KAZN: variants seen among roughly 807,000 people sequenced by gnomAD.
KAZN encodes kazrin.
A neutral mutation model predicts 87.4 loss-of-function variants in KAZN; 40 were observed. That is an observed-to-expected ratio of 0.46 (90% CI 0.36 to 0.60). The LOEUF (loss-of-function observed/expected upper bound fraction) is 0.60. Among genes scored for constraint, KAZN ranks in the 20% least tolerant of loss-of-function variants. KAZN has a pLI of 0.00. For missense variants in KAZN, 898 were observed against 1,073.9 expected (o/e 0.84, Z 2.29); for synonymous variants, 466 against 458.3 (o/e 1.02, Z -0.22).
intron 2 of KAZN, among the ~76,000 whole-genome samples, chr1:14,545,422 C>T (rs1673079091): frequency 6.6e-6 from 1 of 152,196 alleles, no homozygotes; most frequent in Non-Finnish European, 1.5e-5. Flanking sequence ...CCTAGCTCCA[C>T]CACATGCCCG....
At chr1:14,958,380 A>G (rs1043489584) in intron 1 of KAZN, among the ~76,000 whole-genome samples, 1 of 102,550 alleles carries the variant, frequency 9.8e-6, no homozygotes, top group Non-Finnish European at 2.5e-5. Flanking sequence ...AGCACTTCTT[A>G]TATACATGGA....
chr1:14,866,302 A>T (rs2690016), intron 1 of KAZN, among the ~76,000 whole-genome samples: 102,883 of 152,088 alleles, frequency 0.68, 36,558 homozygotes, highest in East Asian at 0.97. Context: ...TGACCTGTAC[A>T]GAAAGCAAGC....
At chr1:14,691,836 C>A (rs755530315) in intron 1 of KAZN, among the ~76,000 whole-genome samples, 1 of 152,016 alleles carries the variant, frequency 6.6e-6, no homozygotes, top group Non-Finnish European at 1.5e-5. Context: ...TTAGGGAGAG[C>A]TCACCTGCTC....
chr1:14,188,300 A>C (rs764832654), intron 2 of KAZN, among the ~76,000 whole-genome samples: 4 of 151,392 alleles, frequency 2.6e-5, no homozygotes, highest in Non-Finnish European at 4.4e-5. Context: ...TGTGTTAAGC[A>C]TTACCCCATG....
At chr1:14,166,772 C>T (rs559777512) in intron 1 of KAZN, among the ~76,000 whole-genome samples, 1 of 152,090 alleles carries the variant, frequency 6.6e-6, no homozygotes, top group African/African-American at 2.4e-5. Flanking sequence ...AAAAGCCGTT[C>T]CTCTGGTTTT....
intron 1 of KAZN, among the ~76,000 whole-genome samples, chr1:14,061,676 C>G (rs900825585): frequency 6.6e-6 from 1 of 152,214 alleles, no homozygotes; most frequent in Admixed American, 6.5e-5. Flanking sequence ...GTGGCAGGAA[C>G]TTGCCCATCT....
At chr1:15,048,422 A>G (rs201945457) in intron 4 of KAZN, among the ~76,000 whole-genome samples, 10 of 150,818 alleles carry the variant, frequency 6.6e-5, no homozygotes, top group African/African-American at 1.2e-4. Flanking sequence ...ATGTGTGTGT[A>G]TGTGTGTGTG....
intron 1 of KAZN, among the ~76,000 whole-genome samples, chr1:14,700,258 G>A (rs1424923508): frequency 1.3e-5 from 2 of 152,130 alleles, no homozygotes; most frequent in Non-Finnish European, 2.9e-5. Context: ...CTGATCACGA[G>A]GTCAGGAGTT....
At chr1:14,373,938 A>G (rs1405167661) in intron 2 of KAZN, among the ~76,000 whole-genome samples, 2 of 152,182 alleles carry the variant, frequency 1.3e-5, no homozygotes, top group East Asian at 1.9e-4. Flanking sequence ...AATCCCTCCC[A>G]TTTGTGCAAA....
At chr1:14,258,187 A>C (rs560524495) in intron 2 of KAZN, among the ~76,000 whole-genome samples, 1 of 147,888 alleles carries the variant, frequency 6.8e-6, no homozygotes, top group South Asian at 2.2e-4. Flanking sequence ...TTTGGGAAAC[A>C]TTTCAAGATT....
intron 1 of KAZN, among the ~76,000 whole-genome samples, chr1:13,901,702 C>T (rs776036472): frequency 2.6e-5 from 4 of 152,238 alleles, no homozygotes; most frequent in African/African-American, 4.8e-5. Context: ...AAGCTGCTAC[C>T]GGCATCAGCG....
chr1:13,957,179 C>A (rs1159569959), intron 1 of KAZN, among the ~76,000 whole-genome samples: 2 of 152,104 alleles, frequency 1.3e-5, no homozygotes, highest in Non-Finnish European at 2.9e-5. Context: ...TGCTACTTGG[C>A]CAATGACTAG....
chr1:13,962,199 G>A (rs1023831913), intron 1 of KAZN, among the ~76,000 whole-genome samples: 1 of 152,168 alleles, frequency 6.6e-6, no homozygotes, highest in African/African-American at 2.4e-5. Flanking sequence ...GGGGCTCTGG[G>A]CTGGGTACTT....
At chr1:14,346,806 CAAACAATTAGA>C in intron 2 of KAZN, among the ~76,000 whole-genome samples, 1 of 152,158 alleles carries the variant, frequency 6.6e-6, no homozygotes, top group Admixed American at 6.5e-5. Context: ...TATATAATAC[CAAACAATTAGA>C]AAACAATTAA....
intron 2 of KAZN, among the ~76,000 whole-genome samples, chr1:14,971,553 C>G (rs1431752426): frequency 6.6e-6 from 1 of 151,382 alleles, no homozygotes; most frequent in Non-Finnish European, 1.5e-5. Flanking sequence ...CAGGGGTGAT[C>G]ACAGCAGAAA....
chr1:14,866,641 C>T (rs750872725), intron 1 of KAZN, among the ~76,000 whole-genome samples: 47 of 152,154 alleles, frequency 3.1e-4, no homozygotes, highest in Admixed American at 1.2e-3. Flanking sequence ...GTAGGAGGAT[C>T]CCTTGAGCCC....
At chr1:14,781,304 AG>A (rs1645342443) in intron 1 of KAZN, among the ~76,000 whole-genome samples, 4 of 152,260 alleles carry the variant, frequency 2.6e-5, no homozygotes, top group Non-Finnish European at 5.9e-5. Context: ...CCTGGGCAAC[AG>A]AGAAAGACTC....
intron 1 of KAZN, among the ~76,000 whole-genome samples, chr1:14,700,338 G>A (rs1032425333): frequency 1.1e-4 from 16 of 152,198 alleles, no homozygotes; most frequent in African/African-American, 3.6e-4. Context: ...TGGCCATGGT[G>A]GTGTGCGCCT....
Position 14,749,945 on chromosome 1 carries a change from T to A in KAZN, c.226+150722T>A, listed in dbSNP as rs771784656. Among the ~76,000 whole-genome samples, 402 of 152,252 alleles carry A rather than the reference T, an allele frequency of 2.6e-3. 1 individual carries two copies. The highest frequency in any genetic ancestry group is 4.4e-3 in the Non-Finnish European group (297 of 68,026). The stretch of plus-strand genomic sequence containing the variant: ...GAGGTCATAGTTCTGTATCTTGTTT[T>A]TGGTTGGTGGTTACACAAATCTATA... On this transcript the variant is annotated intron_variant, in intron 1 of 14. Coordinates refer to ENST00000376030, the MANE Select transcript of KAZN (RefSeq NM_201628.3).
Sources: allele counts gnomAD v4.1 joint callset (sites outside exome capture counted in the v4.1 genomes callset), GRCh38; gene constraint gnomAD v4.1.1; transcripts MANE v1.5; gene names NCBI Gene and HGNC (gene_info 2026-07-23, HGNC 2026-07-21).